MSANTD3: variants seen among roughly 807,000 people sequenced by gnomAD.
MSANTD3 encodes Myb/SANT DNA binding domain containing 3, also known as myb/SANT-like DNA-binding domain-containing protein 3.
A neutral mutation model predicts 27.7 loss-of-function variants in MSANTD3; 11 were observed. That is an observed-to-expected ratio of 0.40 (90% CI 0.25 to 0.66). The LOEUF is 0.66. MSANTD3 is among the 30% of genes least tolerant of loss of function. The pLI is 0.41. For missense variants in MSANTD3, 250 were observed against 336.5 expected, an observed-to-expected ratio of 0.74 and a Z score of 2.01; for synonymous variants, 131 against 127.2, an observed-to-expected ratio of 1.03 and a Z score of -0.20.
chr9:100,448,722 A>G (rs1836815375), intron 2 of MSANTD3: 3 of 985,374 alleles, frequency 3.0e-6, no homozygotes, highest in Non-Finnish European at 3.6e-6. Flanking sequence ...GTTCTGCCAG[A>G]GGTAGGCCCA....
chr9:100,428,669 T>A (rs902082017), intron 1 of MSANTD3, among the ~76,000 whole-genome samples: 1 of 152,126 alleles, frequency 6.6e-6, no homozygotes. Flanking sequence ...ATATTCAGAT[T>A]GATGGAGGGT....
rs1836880160 is a variant in MSANTD3 at position 100,451,237 on chromosome 9, TGTGA to T, written c.*275_*278del. 1 of 346,342 alleles carries T rather than the reference TGTGA, an allele frequency of 2.9e-6. No individual in the cohort carries two copies. Among genetic ancestry groups the T allele is most frequent in the Non-Finnish European group, 5.2e-6 (1 of 191,746 alleles). The allele number at this position is 346,342 out of a possible 1,614,324, so 21.5% of individuals were successfully genotyped here. A position where few individuals can be genotyped will look rare whatever the true frequency, so the allele number is the denominator to read the frequency against. ...AATTAGAATTCATACAAGAACCACG[TGTGA>T]GTGTTGTTGTTGTTGTTTTTTTTTT... On this transcript the variant is annotated 3_prime_UTR_variant, in exon 3 of 3. Coordinates refer to ENST00000395067, the MANE Select transcript of MSANTD3 (RefSeq NM_080655.3).
intron 2 of MSANTD3, chr9:100,449,110 T>C: frequency 1.0e-6 from 1 of 985,384 alleles, no homozygotes; most frequent in Non-Finnish European, 1.2e-6. Context: ...AAGGAGAAGA[T>C]GCTCGTTATT....
At chr9:100,439,378 T>C (rs1010198686) in intron 1 of MSANTD3, among the ~76,000 whole-genome samples, 4 of 152,212 alleles carry the variant, frequency 2.6e-5, no homozygotes, top group Non-Finnish European at 5.9e-5. Context: ...CTGCTTAATT[T>C]TTTATTATGG....
intron 1 of MSANTD3, among the ~76,000 whole-genome samples, chr9:100,440,025 T>C (rs1057162469): frequency 2.0e-5 from 3 of 152,100 alleles, no homozygotes; most frequent in African/African-American, 7.2e-5. Flanking sequence ...CCGTAACATA[T>C]TTGAGAGGTT....
chr9:100,436,066 CT>C (rs1484755337), intron 1 of MSANTD3, among the ~76,000 whole-genome samples: 1 of 152,154 alleles, frequency 6.6e-6, no homozygotes, highest in East Asian at 1.9e-4. Flanking sequence ...ATCTATGGGT[CT>C]TTGCCTAGCC....
intron 1 of MSANTD3, among the ~76,000 whole-genome samples, chr9:100,434,952 A>T (rs900203957): frequency 4.0e-5 from 6 of 150,356 alleles, no homozygotes; most frequent in Non-Finnish European, 8.9e-5. Context: ...ATAACTTGTT[A>T]TATATACACA....
chr9:100,445,406 T>C (rs940222932), intron 2 of MSANTD3, among the ~76,000 whole-genome samples: 1 of 152,212 alleles, frequency 6.6e-6, no homozygotes, highest in Non-Finnish European at 1.5e-5. Context: ...CATTAGGATG[T>C]GCTATAATTG....
At chr9:100,448,246 A>G (rs1836804786) in intron 2 of MSANTD3, 1 of 984,604 alleles carries the variant, frequency 1.0e-6, no homozygotes, top group South Asian at 4.7e-5. Context: ...ATTGGGCGAG[A>G]CAGCAGCATT....
chr9:100,442,500 A>G (rs1836652185), intron 2 of MSANTD3, 144 bp downstream of exon 2: 3 of 1,344,448 alleles, frequency 2.2e-6, no homozygotes, highest in Non-Finnish European at 2.9e-6. Context: ...TCTCAGGATT[A>G]TATAGGACAT....
At chr9:100,428,328 G>A (rs964308601) in intron 1 of MSANTD3, among the ~76,000 whole-genome samples, 8 of 152,114 alleles carry the variant, frequency 5.3e-5, no homozygotes, top group African/African-American at 1.9e-4. Flanking sequence ...CAGAGAGTGT[G>A]CCTTTCAGCA....
At position 100,442,309 on chromosome 9, in the gene MSANTD3, G is replaced by GC. The variant is rs756460439; in HGVS notation, c.377dup (p.Glu127GlyfsTer21). ...CCGGAGCAGCTCTACTTCCTGCAGA[G>GC]CCCCCCGGAGGAGGAGCCCGAATAC... On this transcript the variant is annotated frameshift_variant, in exon 2 of 3. Transcript: ENST00000395067. LOFTEE classifies it high-confidence loss of function. 3.7e-6 allele frequency: 6 copies of GC among 1,613,686 alleles called. No homozygotes were observed. The highest frequency in any genetic ancestry group is 1.3e-5 in the African/African-American group (1 of 74,908).
chr9:100,436,111 A>G (rs1318567977), intron 1 of MSANTD3, among the ~76,000 whole-genome samples: 2 of 152,046 alleles, frequency 1.3e-5, no homozygotes, highest in Admixed American at 6.5e-5. Flanking sequence ...GGATTTTGCT[A>G]TTTTATTTGA....
chr9:100,430,182 G>T (rs967237187), intron 1 of MSANTD3, among the ~76,000 whole-genome samples: 9 of 151,366 alleles, frequency 5.9e-5, no homozygotes, highest in African/African-American at 2.2e-4. Flanking sequence ...CCGTTATAAA[G>T]AAAATAAACA....
intron 1 of MSANTD3, among the ~76,000 whole-genome samples, chr9:100,436,788 T>A (rs932688434): frequency 4.6e-5 from 7 of 152,024 alleles, no homozygotes. Context: ...CTCCAAAAGA[T>A]CTCCACAGTT....
intron 1 of MSANTD3, among the ~76,000 whole-genome samples, chr9:100,439,985 C>A (rs1256836903): frequency 1.3e-5 from 2 of 152,086 alleles, no homozygotes; most frequent in African/African-American, 4.8e-5. Flanking sequence ...ACTTTATTGC[C>A]GCAGTCAGTG....
chr9:100,428,601 G>A (rs1407055720), intron 1 of MSANTD3, among the ~76,000 whole-genome samples: 4 of 152,134 alleles, frequency 2.6e-5, no homozygotes, highest in Non-Finnish European at 5.9e-5. Flanking sequence ...AGGCTGCTGG[G>A]GCAGGGGGTG....
At chr9:100,432,574 T>C (rs1836399154) in intron 1 of MSANTD3, among the ~76,000 whole-genome samples, 1 of 152,264 alleles carries the variant, frequency 6.6e-6, no homozygotes, top group South Asian at 2.1e-4. Flanking sequence ...AGGTTGGTTA[T>C]GGCAGGTAAT....
At chr9:100,443,423 CAAACTTTAAAA>C (rs1836677837) in intron 2 of MSANTD3, among the ~76,000 whole-genome samples, 1 of 151,522 alleles carries the variant, frequency 6.6e-6, no homozygotes, top group African/African-American at 2.4e-5. Context: ...AGAACTATTT[CAAACTTTAAAA>C]AAAGTGCAAA....
Sources: allele counts gnomAD v4.1 joint callset (sites outside exome capture counted in the v4.1 genomes callset), GRCh38; gene constraint gnomAD v4.1.1; transcripts MANE v1.5; gene names NCBI Gene and HGNC (gene_info 2026-07-23, HGNC 2026-07-21).